The following DISP1 variants were observed in gnomAD, a reference collection of about 807,000 sequenced individuals.
DISP1 encodes the protein dispatched RND transporter family member 1.
In DISP1, 30 loss-of-function variants were observed where a neutral mutation model predicts 37.3. The observed-to-expected ratio is 0.80, with a 90% confidence interval of 0.60 to 1.09. The LOEUF is 1.09. DISP1 is among the 50% of genes least tolerant of loss of function. DISP1 has a pLI of 0.00. For missense variants in DISP1, 1,598 were observed against 1,879.5 expected, an observed-to-expected ratio of 0.85 and a Z score of 2.77; for synonymous variants, 634 against 690.2, an observed-to-expected ratio of 0.92 and a Z score of 1.28.
intron 3 of DISP1, among the ~76,000 whole-genome samples, chr1:222,964,549 C>T (rs1676326482): frequency 6.6e-6 from 1 of 152,092 alleles, no homozygotes; most frequent in African/African-American, 2.4e-5. Context: ...GTCCTGAGAT[C>T]ATAGAACTGA....
At chr1:222,877,011 C>T (rs779803963) in intron 1 of DISP1, among the ~76,000 whole-genome samples, 1 of 152,114 alleles carries the variant, frequency 6.6e-6, no homozygotes, top group Non-Finnish European at 1.5e-5. Context: ...GTTGTGAAAA[C>T]AGCAAAGAGA....
At chr1:222,922,429 A>G (rs1572516256) in intron 1 of DISP1, among the ~76,000 whole-genome samples, 1 of 152,288 alleles carries the variant, frequency 6.6e-6, no homozygotes, top group East Asian at 1.9e-4. Flanking sequence ...GGATGGGTAT[A>G]TGTGACAATG....
intron 1 of DISP1, among the ~76,000 whole-genome samples, chr1:222,883,450 G>T (rs35390598): frequency 0.82 from 125,026 of 152,108 alleles, 51,722 homozygotes; most frequent in African/African-American, 0.92. Context: ...AAACCGCGTC[G>T]CTACTAAAAA....
chr1:222,984,403 CAAAA>C (rs143486728), intron 4 of DISP1, among the ~76,000 whole-genome samples: 60 of 29,974 alleles, frequency 2.0e-3, no homozygotes, highest in South Asian at 9.4e-3. Flanking sequence ...GACTCTGTCT[CAAAA>C]AAAAAAAAAA....
chr1:222,896,394 A>AGCAG (rs1486901885), intron 1 of DISP1, among the ~76,000 whole-genome samples: 4 of 152,078 alleles, frequency 2.6e-5, no homozygotes, highest in African/African-American at 9.7e-5. Context: ...TGAGGTCAGG[A>AGCAG]GTTTGAGACC....
rs1679861671 is a variant in DISP1 at position 223,005,700 on chromosome 1, G to T, written c.4303G>T (p.Ala1435Ser). 1 of 1,614,088 alleles carries T rather than the reference G, an allele frequency of 6.2e-7. No individual in the cohort carries two copies. The highest frequency in any genetic ancestry group is 8.5e-7 in the Non-Finnish European group (1 of 1,180,048). Residue 1435 changes from alanine (A) to serine (S), a missense_variant, in exon 9 of 9, where the codon GCA (alanine) becomes TCA (serine). Ala to Ser is a moderately conservative substitution (Grantham distance 99). Coordinates refer to ENST00000675850, the MANE Select transcript of DISP1 (RefSeq NM_001377229.1). Reference sequence around the variant, plus strand: ...GAGCAGTGGAGGGACTGAAAACAAGGCAGGAGGGAAAGTGGAGCTGAGCTT... The same window carrying T: ...GAGCAGTGGAGGGACTGAAAACAAGTCAGGAGGGAAAGTGGAGCTGAGCTT... ...LESSGGTENK[A>S]GGKVELSLSQ... is the part of the protein sequence containing the mutation.
intron 1 of DISP1, among the ~76,000 whole-genome samples, chr1:222,873,337 TTC>T (rs1466987575): frequency 3.9e-5 from 6 of 152,274 alleles, no homozygotes; most frequent in Admixed American, 3.9e-4. Flanking sequence ...CTTGTTAACT[TTC>T]TGTCTTGTTG....
intron 3 of DISP1, among the ~76,000 whole-genome samples, chr1:222,953,603 A>G (rs1438035941): frequency 6.6e-6 from 1 of 152,200 alleles, no homozygotes; most frequent in Admixed American, 6.5e-5. Flanking sequence ...TGATCTTAGA[A>G]GAAGTCTGGT....
intron 3 of DISP1, among the ~76,000 whole-genome samples, chr1:222,947,714 G>GT (rs1674897349): frequency 6.6e-6 from 1 of 151,560 alleles, no homozygotes; most frequent in East Asian, 1.9e-4. Flanking sequence ...TATTTTATCT[G>GT]TTTTTTCTTT....
intron 1 of DISP1, among the ~76,000 whole-genome samples, chr1:222,849,462 A>G (rs1668105463): frequency 6.6e-6 from 1 of 152,130 alleles, no homozygotes; most frequent in South Asian, 2.1e-4. Flanking sequence ...CCAAATCTGT[A>G]TAACATAAAC....
At chr1:222,833,082 G>A (rs1368723692) in intron 1 of DISP1, among the ~76,000 whole-genome samples, 2 of 152,062 alleles carry the variant, frequency 1.3e-5, no homozygotes, top group East Asian at 1.9e-4. Flanking sequence ...TGACTTCTGC[G>A]AACACAAGGT....
chr1:222,936,886 ATAAT>A (rs1465439846), intron 2 of DISP1, among the ~76,000 whole-genome samples: 1 of 86,762 alleles, frequency 1.2e-5, no homozygotes, highest in Non-Finnish European at 2.0e-5. Context: ...TATGATATAT[ATAAT>A]ATATTATTTA....
intron 2 of DISP1, among the ~76,000 whole-genome samples, chr1:222,940,270 A>G (rs2125486581): frequency 6.6e-6 from 1 of 152,296 alleles, no homozygotes; most frequent in East Asian, 1.9e-4. Flanking sequence ...GGAAATTCAC[A>G]ATCATGGCAG....
intron 8 of DISP1, among the ~76,000 whole-genome samples, chr1:222,999,023 T>C (rs1679265169): frequency 1.3e-5 from 2 of 152,144 alleles, no homozygotes; most frequent in Admixed American, 6.6e-5. Context: ...TTCCTCCCTT[T>C]TGTTCTTTTC....
chr1:222,837,568 C>A (rs1667317443), intron 1 of DISP1, among the ~76,000 whole-genome samples: 1 of 152,036 alleles, frequency 6.6e-6, no homozygotes, highest in Non-Finnish European at 1.5e-5. Flanking sequence ...GTGGGTGGGG[C>A]ACAATGCTAA....
At chr1:222,815,618 T>G (rs1208547157) in intron 1 of DISP1, among the ~76,000 whole-genome samples, 2 of 152,026 alleles carry the variant, frequency 1.3e-5, no homozygotes, top group African/African-American at 4.8e-5. Flanking sequence ...TGTTTTTTGT[T>G]TTTAGAAATA....
chr1:222,875,100 G>T (rs1669883370), intron 1 of DISP1, among the ~76,000 whole-genome samples: 1 of 152,096 alleles, frequency 6.6e-6, no homozygotes, highest in Non-Finnish European at 1.5e-5. Context: ...GAAAATGAGA[G>T]AGAATTTGGG....
chr1:222,970,261 C>A (rs1216121228), intron 3 of DISP1, among the ~76,000 whole-genome samples: 17 of 152,186 alleles, frequency 1.1e-4, no homozygotes, highest in Admixed American at 1.1e-3. Flanking sequence ...GTTCATCAAT[C>A]TCCACCTTCA....
intron 1 of DISP1, among the ~76,000 whole-genome samples, chr1:222,832,802 A>G (rs1391842930): frequency 6.6e-6 from 1 of 152,158 alleles, no homozygotes; most frequent in Admixed American, 6.5e-5. Flanking sequence ...AGGCTGAGAC[A>G]TGAGACTCAC....
Sources: allele counts gnomAD v4.1 joint callset (sites outside exome capture counted in the v4.1 genomes callset), GRCh38; gene constraint gnomAD v4.1.1; transcripts MANE v1.5; gene names NCBI Gene and HGNC (gene_info 2026-07-23, HGNC 2026-07-21).